RBPJ: variants seen among roughly 807,000 people sequenced by gnomAD.
The protein encoded by RBPJ is recombination signal binding protein for immunoglobulin kappa J region, also known as recombining binding protein suppressor of hairless.
Under a neutral mutation model 67.8 loss-of-function variants are expected in RBPJ, and 9 were observed. That is an observed-to-expected ratio of 0.13 (90% CI 0.08 to 0.23). The LOEUF (loss-of-function observed/expected upper bound fraction) is 0.23, where lower values mean the gene tolerates loss of function less well. Ranked by LOEUF, RBPJ falls within the 10% of genes least tolerant of loss-of-function variation. The probability of loss-of-function intolerance (pLI) is 1.00; values close to 1 mark genes in which losing one functional copy is unlikely to be tolerated. For missense variants in RBPJ, 305 were observed against 595.6 expected, an observed-to-expected ratio of 0.51 and a Z score of 5.08; for synonymous variants, 198 against 203.3, an observed-to-expected ratio of 0.97 and a Z score of 0.22.
At chr4:26,375,734 A>G (rs898849020) in intron 1 of RBPJ, among the ~76,000 whole-genome samples, 1 of 152,180 alleles carries the variant, frequency 6.6e-6, no homozygotes, top group Non-Finnish European at 1.5e-5. Context: ...TTCAGTCCCC[A>G]TCAGTCTTTG....
At chr4:26,114,685 C>G in the RBPJ span, among the ~76,000 whole-genome samples, 2 of 151,728 alleles carry the variant, frequency 1.3e-5, no homozygotes, top group East Asian at 3.9e-4. Context: ...CCACTGGTAT[C>G]TTTATACGTT....
At chr4:26,419,466 C>T (rs1367988412) in intron 4 of RBPJ, among the ~76,000 whole-genome samples, 1 of 152,122 alleles carries the variant, frequency 6.6e-6, no homozygotes, top group African/African-American at 2.4e-5. Flanking sequence ...GTAGTTTTGT[C>T]TGCTACCGAG....
At chr4:26,161,813 AG>A (rs1480268229), upstream of RBPJ, among the ~76,000 whole-genome samples, 2 of 152,204 alleles carry the variant, frequency 1.3e-5, no homozygotes, top group Non-Finnish European at 2.9e-5. Flanking sequence ...GTCCTGTGGT[AG>A]GGAGGAGGGG....
At chr4:26,378,146 G>A (rs1471274151) in intron 1 of RBPJ, among the ~76,000 whole-genome samples, 3 of 152,082 alleles carry the variant, frequency 2.0e-5, no homozygotes, top group African/African-American at 7.2e-5. Context: ...CACAGTTGGG[G>A]TTTGTTCCTC....
chr4:26,197,185 A>T (rs1487655688), intron 1 of RBPJ, among the ~76,000 whole-genome samples: 1 of 152,182 alleles, frequency 6.6e-6, no homozygotes, highest in Admixed American at 6.5e-5. Flanking sequence ...CAGCAGTGGC[A>T]AGGTTGTGGT....
chr4:26,411,246 G>A (rs1420801938), intron 3 of RBPJ, among the ~76,000 whole-genome samples: 3 of 151,754 alleles, frequency 2.0e-5, no homozygotes, highest in Non-Finnish European at 4.4e-5. Flanking sequence ...GTCTGACTCT[G>A]TCTTTAAAAT....
At chr4:26,131,296 G>A in the RBPJ span, among the ~76,000 whole-genome samples, 1 of 152,254 alleles carries the variant, frequency 6.6e-6, no homozygotes, top group Admixed American at 6.5e-5. Context: ...TCCCTATGCA[G>A]TCACATCCCT....
chr4:26,434,889 GAATA>G lies in RBPJ; in HGVS notation c.*3889_*3892del, dbSNP rs1477554553. ...AACTTGCAATACGAGCAGTTTCAAG[GAATA>G]AATAAAAAGGAAATGTAAACCATTG... is the stretch of plus-strand genomic sequence containing the variant. On this transcript the variant is annotated 3_prime_UTR_variant, in exon 11 of 11. Transcript: ENST00000355476. 6.6e-6 allele frequency: 1 copy of G among 152,178 alleles called. No homozygotes were observed. The highest frequency in any genetic ancestry group is 1.5e-5 in the Non-Finnish European group (1 of 68,038). The allele number at this position is 152,178 out of a possible 1,614,324, so 9.4% of individuals were successfully genotyped here. A position where few individuals can be genotyped will look rare whatever the true frequency, so the allele number is the denominator to read the frequency against.
intron 1 of RBPJ, among the ~76,000 whole-genome samples, chr4:26,183,742 G>A (rs1395282985): frequency 6.6e-6 from 1 of 152,172 alleles, no homozygotes; most frequent in Non-Finnish European, 1.5e-5. Flanking sequence ...GGGCGTGGTC[G>A]CTCACGCCTG....
rs565102963 is a variant in RBPJ, at chr4:26,401,547, G to C, written c.60-4628G>C. 2.0e-4 allele frequency among the ~76,000 whole-genome samples: 30 copies of C among 152,158 alleles called. 1 individual carries two copies. Among genetic ancestry groups the C allele is most frequent in the African/African-American group, 6.5e-4 (27 of 41,516 alleles). ...TGTAGAAAGCATTTGTGACTGCCTC[G>C]GATATTATCAAATACCAAGTTTGTG... On this transcript the variant is annotated intron_variant, in intron 2 of 10. Transcript: ENST00000355476.
intron 1 of RBPJ, among the ~76,000 whole-genome samples, chr4:26,383,190 G>A (rs1560310279): frequency 6.6e-6 from 1 of 152,174 alleles, no homozygotes; most frequent in Non-Finnish European, 1.5e-5. Flanking sequence ...TTGTTGCACA[G>A]GCGTGTTTTG....
At chr4:26,215,278 G>GGGA (rs1302591746) in intron 1 of RBPJ, among the ~76,000 whole-genome samples, 1 of 64,048 alleles carries the variant, frequency 1.6e-5, no homozygotes, top group Non-Finnish European at 2.7e-5. Context: ...GGAGGAAAAA[G>GGGA]AGAGAGAAAG....
At chr4:26,230,389 A>T (rs1719237700) in intron 1 of RBPJ, among the ~76,000 whole-genome samples, 1 of 152,232 alleles carries the variant, frequency 6.6e-6, no homozygotes, top group African/African-American at 2.4e-5. Flanking sequence ...TATGCAGTAG[A>T]TACTGTAATA....
At chr4:26,142,788 GA>G in the RBPJ span, among the ~76,000 whole-genome samples, 1 of 143,548 alleles carries the variant, frequency 7.0e-6, no homozygotes, top group Non-Finnish European at 1.5e-5. Flanking sequence ...GTGTGTGTGT[GA>G]GAGAGAGAGA....
intron 1 of RBPJ, among the ~76,000 whole-genome samples, chr4:26,204,701 G>A (rs147787544): frequency 4.6e-5 from 7 of 152,336 alleles, no homozygotes; most frequent in African/African-American, 1.7e-4. Flanking sequence ...GCTATGAGAT[G>A]TCTGGCCTCA....
chr4:26,323,244 C>G (rs1431411341), intron 1 of RBPJ, among the ~76,000 whole-genome samples: 4 of 151,822 alleles, frequency 2.6e-5, no homozygotes, highest in Admixed American at 2.0e-4. Flanking sequence ...TGTACATAAT[C>G]ATTGTTTTGA....
At chr4:26,179,137 G>C (rs1716895358) in intron 1 of RBPJ, among the ~76,000 whole-genome samples, 1 of 151,962 alleles carries the variant, frequency 6.6e-6, no homozygotes, top group South Asian at 2.1e-4. Flanking sequence ...TAACAAAAAA[G>C]CAAGCACAAC....
At chr4:26,114,045 G>A in the RBPJ span, among the ~76,000 whole-genome samples, 2 of 152,128 alleles carry the variant, frequency 1.3e-5, no homozygotes, top group African/African-American at 4.8e-5. Context: ...AATTTATGTT[G>A]TTTAGTGTCG....
chr4:26,312,203 C>T (rs928372412), intron 1 of RBPJ, among the ~76,000 whole-genome samples: 3 of 151,960 alleles, frequency 2.0e-5, no homozygotes, highest in Non-Finnish European at 2.9e-5. Context: ...ACGATCTCAG[C>T]TCACTGCAAG....
Sources: gnomAD v4.1 joint callset for allele counts (sites outside exome capture counted in the v4.1 genomes callset) on GRCh38, gnomAD v4.1.1 for gene constraint, MANE v1.5 for transcripts, NCBI Gene and HGNC (gene_info 2026-07-23, HGNC 2026-07-21) for gene names.